VPS33B: variants seen among roughly 807,000 people sequenced by gnomAD.
VPS33B encodes vacuolar protein sorting-associated protein 33B.
VPS33B carries 80 observed loss-of-function variants against 95.3 expected under a neutral mutation model. That is an observed-to-expected ratio of 0.84 (90% CI 0.70 to 1.01). The LOEUF is 1.01. Among genes scored for constraint, VPS33B ranks in the 50% least tolerant of loss-of-function variants. The pLI, the probability that VPS33B is intolerant of heterozygous loss-of-function variation, is 0.00. For synonymous variants in VPS33B, 280 were observed against 280.4 expected, an observed-to-expected ratio of 1.00 and a Z score of 0.01; for missense variants, 715 against 773.4, an observed-to-expected ratio of 0.92 and a Z score of 0.90.
rs2041008291 is a variant in VPS33B, at chr15:91,018,546, A to G, written c.97-661T>C. 6.6e-6 allele frequency among the ~76,000 whole-genome samples: 1 copy of G among 152,214 alleles called. No individual in the cohort carries two copies. The highest frequency in any genetic ancestry group is 1.5e-5 in the Non-Finnish European group (1 of 68,034). ...GTTGACATGGATGGATGAAGAGGACAGTCCAGCAAAGATCAGAAAGAGAGC... is the reference window on the plus strand; with the variant it reads ...GTTGACATGGATGGATGAAGAGGACGGTCCAGCAAAGATCAGAAAGAGAGC... On this transcript the variant is annotated intron_variant, in intron 1 of 22. Transcript: ENST00000333371. This position sits in a 1 kb window ranked among gnomAD's most constrained non-coding sequence, Gnocchi z 4.7.
In VPS33B at chr15:91,014,575, C is replaced by T; in HGVS notation, c.240-142G>A. ...GCCAAAGCTATGCTATTCTCTTGGT[C>T]CACCATATACCAACCACAGAAGATA... On this transcript the variant is annotated intron_variant, in intron 3 of 22. Transcript: ENST00000333371. 4 of 868,274 alleles carry T rather than the reference C, an allele frequency of 4.6e-6. No homozygotes were observed. In the South Asian group the frequency reaches 5.5e-5, roughly 12 times the overall value. 53.8% of individuals were successfully genotyped at this position (868,274 alleles called of 1,614,324 possible).
At position 90,999,565 on chromosome 15, in the gene VPS33B, C is replaced by T. The variant is rs147817266; in HGVS notation, c.1774+112G>A. 0.04 allele frequency: 45,485 copies of T among 1,125,820 alleles called. 1,241 individuals are homozygous for T. Among genetic ancestry groups the T allele is most frequent in the South Asian group, 0.087 (6,984 of 80,668 alleles). 69.7% of individuals were successfully genotyped at this position (1,125,820 alleles called of 1,614,324 possible). A position where few individuals can be genotyped will look rare whatever the true frequency, so the allele number is the denominator to read the frequency against. On this transcript the variant is annotated intron_variant, in intron 22 of 22. Coordinates refer to ENST00000333371, the MANE Select transcript of VPS33B (RefSeq NM_018668.5). The surrounding 1 kb of genome is among the most constrained non-coding windows in gnomAD (Gnocchi z 5.1). Reference sequence around the variant, plus strand: ...AACTCCTGACCTCAGGTGATCTGCCCGCCTCCGCCTCCCAAAGTGCTGAGA... The same window carrying T: ...AACTCCTGACCTCAGGTGATCTGCCTGCCTCCGCCTCCCAAAGTGCTGAGA...
At chr15:91,008,656 A>G (rs1325852008) in intron 6 of VPS33B, among the ~76,000 whole-genome samples, 3 of 152,218 alleles carry the variant, frequency 2.0e-5, no homozygotes, top group African/African-American at 7.2e-5. Context: ...CAAAATGGAC[A>G]TGCTCCCAAC....
At position 91,007,530 on chromosome 15, in the gene VPS33B, T is replaced by G. The variant is rs755782998; in HGVS notation, c.542A>C (p.His181Pro). ...GGGTCCATAGAGAGTGCTGAGAAGGTGTAAGGCCTGAGCTACAGTGTTGAT... is the reference window on the plus strand; with the variant it reads ...GGGTCCATAGAGAGTGCTGAGAAGGGGTAAGGCCTGAGCTACAGTGTTGAT... ...RWINTVAQAL[H>P]LLSTLYGPFP... Residue 181 changes from histidine to proline, a missense_variant, in exon 8 of 23, where the codon CAC becomes CCC. By Grantham distance (77) the His-to-Pro change is moderately conservative (BLOSUM62 -2). Transcript: ENST00000333371. The surrounding 1 kb of genome is among the most constrained non-coding windows in gnomAD (Gnocchi z 5.3). 6.2e-7 allele frequency: 1 copy of G among 1,614,144 alleles called. No homozygotes were observed. Among genetic ancestry groups the G allele is most frequent in the Admixed American group, 1.7e-5 (1 of 60,022 alleles).
intron 16 of VPS33B, among the ~76,000 whole-genome samples, chr15:91,004,120 A>G (rs2040523986): frequency 6.6e-6 from 1 of 151,908 alleles, no homozygotes; most frequent in Non-Finnish European, 1.5e-5. Context: ...GCTACTTGAG[A>G]GGCTGAGGTG....
Position 91,007,722 on chromosome 15 carries a change from A to T in VPS33B, c.498+148T>A. ...TGGCTCCACAGGAAGTCCCACAGAG[A>T]CCAATCTGTAGCACTCAATCACCAC... On this transcript the variant is annotated intron_variant, in intron 7 of 22. Coordinates refer to ENST00000333371, the MANE Select transcript of VPS33B (RefSeq NM_018668.5). This position sits in a 1 kb window ranked among gnomAD's most constrained non-coding sequence, Gnocchi z 5.3. 1 of 1,157,756 alleles carries T rather than the reference A, an allele frequency of 8.6e-7. No individual in the cohort carries two copies. The highest frequency in any genetic ancestry group is 1.7e-5 in the Admixed American group (1 of 58,940). The allele number at this position is 1,157,756 out of a possible 1,614,324, so 71.7% of individuals were successfully genotyped here.
At chr15:91,003,799 A>G (rs977184627) in intron 16 of VPS33B, among the ~76,000 whole-genome samples, 1 of 152,246 alleles carries the variant, frequency 6.6e-6, no homozygotes, top group African/African-American at 2.4e-5. Context: ...ACAACTATTG[A>G]GAAATAGGAA....
rs958326593 is a variant in VPS33B, at chr15:91,015,218, C to G, written c.240-785G>C. Among the ~76,000 whole-genome samples the G allele has an allele frequency of 2.1e-4, 32 of 152,130 alleles. No homozygotes were observed. Among genetic ancestry groups the G allele is most frequent in the African/African-American group, 7.7e-4 (32 of 41,488 alleles). ...GGGCATGGTGGCGCATGTCTGTAAT[C>G]CCAGCTACGCAGGAGGCTGAGGCAG... On this transcript the variant is annotated intron_variant, in intron 3 of 22. Coordinates refer to ENST00000333371, the MANE Select transcript of VPS33B (RefSeq NM_018668.5). The surrounding 1 kb of genome is among the most constrained non-coding windows in gnomAD (Gnocchi z 4.7).
chr15:91,006,329 C>A lies in VPS33B; in HGVS notation c.852+43G>T, dbSNP rs774035507. Reference sequence around the variant, plus strand: ...CAGGGGGCCCACAGCCTGGTATAAGCAGTGGCCCTAGGTGGGCCCATTGCT... The same window carrying A: ...CAGGGGGCCCACAGCCTGGTATAAGAAGTGGCCCTAGGTGGGCCCATTGCT... On this transcript the variant is annotated intron_variant, in intron 11 of 22. Transcript: ENST00000333371. This position sits in a 1 kb window ranked among gnomAD's most constrained non-coding sequence, Gnocchi z 5.4. 8.3e-6 allele frequency: 13 copies of A among 1,568,298 alleles called. No individual in the cohort carries two copies. Among genetic ancestry groups the A allele is most frequent in the Non-Finnish European group, 1.1e-5 (13 of 1,147,260 alleles).
At position 91,002,257 on chromosome 15, in the gene VPS33B, G is replaced by A. The variant is rs2040460600; in HGVS notation, c.1273-75C>T. 3 of 1,588,758 alleles carry A rather than the reference G, an allele frequency of 1.9e-6. No homozygotes were observed. Among genetic ancestry groups the A allele is most frequent in the African/African-American group, 2.7e-5 (2 of 74,540 alleles). On this transcript the variant is annotated intron_variant, in intron 17 of 22. Transcript: ENST00000333371. This position sits in a 1 kb window ranked among gnomAD's most constrained non-coding sequence, Gnocchi z 4.7. ...GTACTGTCAGGTACTACAGAGTTGA[G>A]CAGAAGGACTATGAAGCCTCTGCTG...
At position 91,015,675 on chromosome 15, in the gene VPS33B, T is replaced by C. The variant is rs1428563003; in HGVS notation, c.240-1242A>G. On this transcript the variant is annotated intron_variant, in intron 3 of 22. Coordinates refer to ENST00000333371, the MANE Select transcript of VPS33B (RefSeq NM_018668.5). This position sits in a 1 kb window ranked among gnomAD's most constrained non-coding sequence, Gnocchi z 4.7. ...TCCTACTCAAAAAAATAAAATAAAA[T>C]AAAACTATAGGCGGATGCAGTGCTG... Among the ~76,000 whole-genome samples the C allele has an allele frequency of 6.6e-6, 1 of 151,600 alleles. No individual in the cohort carries two copies. The highest frequency in any genetic ancestry group is 2.4e-5 in the African/African-American group (1 of 41,266).
Position 91,002,789 on chromosome 15 carries a change from C to T in VPS33B, c.1272+296G>A, listed in dbSNP as rs144960626. Reference sequence around the variant, plus strand: ...AGGAAGGAAAGCTGAATCAATGCCTCACACGGTGCTAAAATGAGGGAGACT... The same window carrying T: ...AGGAAGGAAAGCTGAATCAATGCCTTACACGGTGCTAAAATGAGGGAGACT... On this transcript the variant is annotated intron_variant, in intron 17 of 22. Coordinates refer to ENST00000333371, the MANE Select transcript of VPS33B (RefSeq NM_018668.5). The surrounding 1 kb of genome is among the most constrained non-coding windows in gnomAD (Gnocchi z 4.7). Among the ~76,000 whole-genome samples, 676 of 152,234 alleles carry T rather than the reference C, an allele frequency of 4.4e-3. 2 individuals are homozygous for T. The highest frequency in any genetic ancestry group is 0.015 in the African/African-American group (620 of 41,540).
In VPS33B at chr15:91,013,752, G is replaced by A. The variant is rs145941928; in HGVS notation, c.357+52C>T. 330 of 1,603,518 alleles carry A rather than the reference G, an allele frequency of 2.1e-4. No individual in the cohort carries two copies. Among genetic ancestry groups the A allele is most frequent in the Non-Finnish European group, 2.7e-4 (316 of 1,170,806 alleles). The stretch of plus-strand genomic sequence containing the variant: ...TGCTGTTGGCCCCTTACCCCTGCCC[G>A]GTCCTCAGTCCTGTTCTACCTTATC... On this transcript the variant is annotated intron_variant, in intron 5 of 22. Transcript: ENST00000333371. The surrounding 1 kb of genome is among the most constrained non-coding windows in gnomAD (Gnocchi z 4.5).
chr15:91,015,068 G>A lies in VPS33B; in HGVS notation c.240-635C>T, dbSNP rs1289929140. Among the ~76,000 whole-genome samples the A allele has an allele frequency of 6.6e-6, 1 of 150,676 alleles. No homozygotes were observed. Among genetic ancestry groups the A allele is most frequent in the Non-Finnish European group, 1.5e-5 (1 of 67,840 alleles). The stretch of plus-strand genomic sequence containing the variant: ...ATACAAACATTGGCTGGGCATGGTG[G>A]CTCACACCTGTAATCCCAGCACTTT... On this transcript the variant is annotated intron_variant, in intron 3 of 22. Coordinates refer to ENST00000333371, the MANE Select transcript of VPS33B (RefSeq NM_018668.5). The surrounding 1 kb of genome is among the most constrained non-coding windows in gnomAD (Gnocchi z 4.7).
At position 91,006,884 on chromosome 15, in the gene VPS33B, C is replaced by T; in HGVS notation, c.700+66G>A. 1.9e-6 allele frequency: 3 copies of T among 1,607,280 alleles called. No individual in the cohort carries two copies. The South Asian group carries it at 3.3e-5, about 18-fold the overall frequency. On this transcript the variant is annotated intron_variant, in intron 9 of 22. Transcript: ENST00000333371. This position sits in a 1 kb window ranked among gnomAD's most constrained non-coding sequence, Gnocchi z 5.4. ...TAACTTTAGGATTTTAACTTTGCCA[C>T]CACGCCTTCCATATTCCCGTGTCTT...
rs1239295309 is a variant in VPS33B at position 91,017,368 on chromosome 15, ATATAT to A, written c.178-349_178-345del. Among the ~76,000 whole-genome samples, 56 of 35,248 alleles carry A rather than the reference ATATAT, an allele frequency of 1.6e-3. 5 individuals carry two copies. Among genetic ancestry groups the A allele is most frequent in the South Asian group, 3.7e-3 (4 of 1,084 alleles). The allele number at this position is 35,248 out of a possible 152,430, so 23.1% of individuals were successfully genotyped here. ...CAAGACTCCATCTCTACAAAATTAA[ATATAT>A]ATATATATATATATATATATATATA... On this transcript the variant is annotated intron_variant, in intron 2 of 22. Coordinates refer to ENST00000333371, the MANE Select transcript of VPS33B (RefSeq NM_018668.5).
intron 1 of VPS33B, among the ~76,000 whole-genome samples, chr15:91,021,472 C>G (rs911975466): frequency 2.6e-5 from 4 of 152,166 alleles, no homozygotes; most frequent in Admixed American, 1.3e-4. Context: ...TATTTCTTGT[C>G]TGATCTACGG....
chr15:91,018,067 ATT>A lies in VPS33B; in HGVS notation c.97-184_97-183del, dbSNP rs559327171. 1.3e-4 allele frequency: 82 copies of A among 643,300 alleles called. 1 individual carries two copies. Among genetic ancestry groups the A allele is most frequent in the Non-Finnish European group, 2.1e-4 (76 of 357,484 alleles). 39.8% of individuals were successfully genotyped at this position (643,300 alleles called of 1,614,324 possible). A position where few individuals can be genotyped will look rare whatever the true frequency, so the allele number is the denominator to read the frequency against. On this transcript the variant is annotated intron_variant, in intron 1 of 22. Transcript: ENST00000333371. The surrounding 1 kb of genome is among the most constrained non-coding windows in gnomAD (Gnocchi z 4.7). ...TTGACACTTCTCTGTATATTTACCT[ATT>A]TTGCCTTCTCGTTTTCTGTACCAGT... is the stretch of plus-strand genomic sequence containing the variant.
At position 91,013,743 on chromosome 15, in the gene VPS33B, C is replaced by A; in HGVS notation, c.357+61G>T. ...GGGAGGTAGTGCTGTTGGCCCCTTA[C>A]CCCTGCCCGGTCCTCAGTCCTGTTC... On this transcript the variant is annotated intron_variant, in intron 5 of 22. Coordinates refer to ENST00000333371, the MANE Select transcript of VPS33B (RefSeq NM_018668.5). This position sits in a 1 kb window ranked among gnomAD's most constrained non-coding sequence, Gnocchi z 4.5. The A allele has an allele frequency of 1.3e-6, 2 of 1,591,290 alleles. No individual in the cohort carries two copies. The highest frequency in any genetic ancestry group is 1.7e-5 in the Admixed American group (1 of 59,972).
Sources: gnomAD v4.1 joint callset for allele counts (sites outside exome capture counted in the v4.1 genomes callset) on GRCh38, gnomAD v4.1.1 for gene constraint, Gnocchi (gnomAD v3.1) non-coding constraint, MANE v1.5 for transcripts, NCBI Gene and HGNC (gene_info 2026-07-23, HGNC 2026-07-21) for gene names.